Variants in CALN1 observed in about 807,000 individuals in gnomAD.
CALN1 encodes calcium-binding protein 8.
CALN1 carries 17 observed loss-of-function variants against 30.6 expected under a neutral mutation model. That is an observed-to-expected ratio of 0.56 (90% CI 0.38 to 0.83). CALN1 has a LOEUF of 0.83. Ranked by LOEUF, CALN1 falls within the 40% of genes least tolerant of loss-of-function variation. The pLI is 0.00. For missense variants in CALN1, 291 were observed against 354.9 expected, an observed-to-expected ratio of 0.82 and a Z score of 1.45; for synonymous variants, 156 against 131.4, an observed-to-expected ratio of 1.19 and a Z score of -1.28.
intron 3 of CALN1, among the ~76,000 whole-genome samples, chr7:72,198,016 C>T (rs2129547257): frequency 6.6e-6 from 1 of 152,204 alleles, no homozygotes; most frequent in African/African-American, 2.4e-5. Context: ...AAAAAAGGTT[C>T]ATTCCCTCTT....
intron 3 of CALN1, among the ~76,000 whole-genome samples, chr7:72,277,670 A>C (rs1487752742): frequency 1.3e-5 from 2 of 152,010 alleles, no homozygotes; most frequent in Admixed American, 1.3e-4. Flanking sequence ...TCTCCTCTTC[A>C]CCTCCCTCAC....
At chr7:71,860,641 T>C (rs1213700150) in intron 5 of CALN1, among the ~76,000 whole-genome samples, 1 of 152,206 alleles carries the variant, frequency 6.6e-6, no homozygotes, top group Non-Finnish European at 1.5e-5. Flanking sequence ...ACACTAATAG[T>C]TATGACATGC....
chr7:72,380,908 A>T (rs978494392), intron 2 of CALN1, among the ~76,000 whole-genome samples: 1 of 152,174 alleles, frequency 6.6e-6, no homozygotes, highest in Non-Finnish European at 1.5e-5. Flanking sequence ...GGATGCAGGA[A>T]GACATGGCCT....
At chr7:72,307,382 T>C (rs144913615) in intron 2 of CALN1, among the ~76,000 whole-genome samples, 1 of 152,202 alleles carries the variant, frequency 6.6e-6, no homozygotes, top group Non-Finnish European at 1.5e-5. Flanking sequence ...CTGAGGTTTC[T>C]TCTCATTCTG....
rs548538221 is a variant in CALN1 at position 72,407,743 on chromosome 7, A to C, written c.-73-4301T>G. On this transcript the variant is annotated intron_variant, in intron 1 of 6. Coordinates refer to ENST00000395275, the MANE Select transcript of CALN1 (RefSeq NM_031468.4). ...ACAGACTAATACACTATCATTCTCC[A>C]TTTTTTCTTTTTGCACTAATACTGA... is the stretch of plus-strand genomic sequence containing the variant. 3.9e-5 allele frequency among the ~76,000 whole-genome samples: 6 copies of C among 152,026 alleles called. No individual in the cohort carries two copies. In the South Asian group the frequency reaches 1.2e-3, roughly 32 times the overall value.
At chr7:72,281,284 A>G (rs1039309741) in intron 2 of CALN1, among the ~76,000 whole-genome samples, 1 of 152,170 alleles carries the variant, frequency 6.6e-6, no homozygotes, top group Non-Finnish European at 1.5e-5. Flanking sequence ...TGGACTTCCC[A>G]GCCTGCAGAG....
rs1159158831 is a variant in CALN1, at chr7:72,155,440, C to T, written c.245-49146G>A. Among the ~76,000 whole-genome samples, 11 of 149,446 alleles carry T rather than the reference C, an allele frequency of 7.4e-5. 1 individual carries two copies. The East Asian group carries it at 1.2e-3, about 16-fold the overall frequency. ...CTGGGAGGCGGAGCTTGCAATGAGC[C>T]GAGATCACGCCACTGCACTCCAGCC... On this transcript the variant is annotated intron_variant, in intron 3 of 6. Coordinates refer to ENST00000395275, the MANE Select transcript of CALN1 (RefSeq NM_031468.4).
At chr7:72,503,163 AT>A in the CALN1 span, among the ~76,000 whole-genome samples, 1 of 152,090 alleles carries the variant, frequency 6.6e-6, no homozygotes, top group African/African-American at 2.4e-5. Flanking sequence ...GAAAAAAAAA[AT>A]GTATATAATT....
At chr7:72,390,563 T>C (rs1274779341) in intron 2 of CALN1, among the ~76,000 whole-genome samples, 1 of 152,186 alleles carries the variant, frequency 6.6e-6, no homozygotes, top group Non-Finnish European at 1.5e-5. Flanking sequence ...GGAAAGAATA[T>C]ACCTTTATTT....
chr7:72,367,110 A>C lies in CALN1; in HGVS notation c.119+36141T>G, dbSNP rs1031623709. On this transcript the variant is annotated intron_variant, in intron 2 of 6. Coordinates refer to ENST00000395275, the MANE Select transcript of CALN1 (RefSeq NM_031468.4). ...TGCTTCATGATTATATTTTAATAAT[A>C]AAAAAAAACAGGCAAAAGAAACCTA... Among the ~76,000 whole-genome samples, 5 of 62,880 alleles carry C rather than the reference A, an allele frequency of 8.0e-5. No homozygotes were observed. In the East Asian group the frequency reaches 1.5e-3, roughly 18 times the overall value. The allele number at this position is 62,880 out of a possible 152,430, so 41.3% of individuals were successfully genotyped here. A position where few individuals can be genotyped will look rare whatever the true frequency, so the allele number is the denominator to read the frequency against.
intron 3 of CALN1, among the ~76,000 whole-genome samples, chr7:72,237,409 T>A (rs1794541377): frequency 6.6e-6 from 1 of 151,956 alleles, no homozygotes; most frequent in Admixed American, 6.6e-5. Flanking sequence ...AATTGGGAGG[T>A]CCTTATTCCA....
At chr7:72,453,626 T>C in the CALN1 span, among the ~76,000 whole-genome samples, 1 of 152,240 alleles carries the variant, frequency 6.6e-6, no homozygotes, top group Non-Finnish European at 1.5e-5. Flanking sequence ...TTTTTTCAGC[T>C]TTCCAGTTCC....
chr7:72,482,152 T>G, the CALN1 span, among the ~76,000 whole-genome samples: 1 of 152,288 alleles, frequency 6.6e-6, no homozygotes, highest in East Asian at 1.9e-4. Flanking sequence ...TCTGGAAATA[T>G]TCTTGATTCT....
chr7:71,926,780 G>T (rs936114867), intron 5 of CALN1, among the ~76,000 whole-genome samples: 3 of 152,056 alleles, frequency 2.0e-5, no homozygotes, highest in African/African-American at 7.2e-5. Context: ...GTTAAGTCCA[G>T]TGATAAGTCC....
chr7:71,834,217 C>CAAAAAAA (rs11313802), intron 5 of CALN1, among the ~76,000 whole-genome samples: 2 of 48,312 alleles, frequency 4.1e-5, no homozygotes, highest in African/African-American at 1.8e-4. Context: ...GACTCCATCT[C>CAAAAAAA]AAAAAAAAAA....
At chr7:72,493,420 C>T in the CALN1 span, among the ~76,000 whole-genome samples, 3 of 151,926 alleles carry the variant, frequency 2.0e-5, no homozygotes, top group Non-Finnish European at 4.4e-5. Context: ...CTCACTGCAG[C>T]CTCCACCTCC....
intron 5 of CALN1, among the ~76,000 whole-genome samples, chr7:71,924,246 A>C (rs1396467497): frequency 1.6e-5 from 1 of 62,756 alleles, no homozygotes; most frequent in Admixed American, 2.2e-4. Context: ...TCTTTTTAAA[A>C]AAGATTAGGA....
At chr7:71,853,556 ATCT>A (rs1790769169) in intron 5 of CALN1, among the ~76,000 whole-genome samples, 1 of 151,366 alleles carries the variant, frequency 6.6e-6, no homozygotes, top group Non-Finnish European at 1.5e-5. Context: ...TTTAACTGAA[ATCT>A]TCTGTCATTC....
intron 1 of CALN1, among the ~76,000 whole-genome samples, chr7:72,404,577 T>C (rs962380686): frequency 9.9e-5 from 15 of 152,122 alleles, no homozygotes; most frequent in South Asian, 2.1e-4. Context: ...CAGCAGGCAA[T>C]GGCTTCTCGC....
Sources: allele counts gnomAD v4.1 joint callset (sites outside exome capture counted in the v4.1 genomes callset), GRCh38; gene constraint gnomAD v4.1.1; transcripts MANE v1.5; gene names NCBI Gene and HGNC (gene_info 2026-07-23, HGNC 2026-07-21).